NOC3L: variants seen among roughly 807,000 people sequenced by gnomAD.
NOC3L encodes NOC3 like DNA replication regulator, also known as nucleolar complex protein 3 homolog.
NOC3L carries 85 observed loss-of-function variants against 102.5 expected under a neutral mutation model. That is an observed-to-expected ratio of 0.83 (90% CI 0.70 to 0.99). The LOEUF (loss-of-function observed/expected upper bound fraction) is 0.99, where lower values mean the gene tolerates loss of function less well. Among genes scored for constraint, NOC3L ranks in the 50% least tolerant of loss-of-function variants. NOC3L has a pLI of 0.00. For missense variants in NOC3L, 878 were observed against 914.9 expected (o/e 0.96, Z 0.52); for synonymous variants, 303 against 309.4 (o/e 0.98, Z 0.22).
At chr10:94,362,752 TA>T in intron 1 of NOC3L, 77 bp downstream of exon 1, 1 of 1,543,308 alleles carries the variant, frequency 6.5e-7, no homozygotes, top group Non-Finnish European at 9.0e-7. Context: ...AAAACCTGCC[TA>T]AAAGCTAACT....
At chr10:94,361,945 C>T in intron 1 of NOC3L, 73 bp from the exon 2 acceptor site, 1 of 1,137,512 alleles carries the variant, frequency 8.8e-7, no homozygotes, top group South Asian at 1.3e-5. Context: ...GAACTGATTA[C>T]AAATTTCATT....
chr10:94,362,362 G>A (rs1290055716), intron 1 of NOC3L, among the ~76,000 whole-genome samples: 2 of 152,138 alleles, frequency 1.3e-5, no homozygotes, highest in Admixed American at 6.5e-5. Context: ...ACTGAATTCG[G>A]ATCTTTGGAT....
intron 14 of NOC3L, among the ~76,000 whole-genome samples, chr10:94,341,133 A>G (rs2054279643): frequency 6.6e-6 from 1 of 152,052 alleles, no homozygotes; most frequent in Non-Finnish European, 1.5e-5. Context: ...TGATTGCACC[A>G]CTGCACTCCG....
chr10:94,334,428 G>A, intron 20 of NOC3L, 123 bp from the exon 21 acceptor site: 1 of 682,252 alleles, frequency 1.5e-6, no homozygotes, highest in South Asian at 1.8e-5. Flanking sequence ...ACAGATGCTT[G>A]GTAAGGTCTT....
At chr10:94,322,067 C>T in the NOC3L span, 1 of 1,612,938 alleles carries the variant, frequency 6.2e-7, no homozygotes, top group South Asian at 1.1e-5. Flanking sequence ...CAGGTAAAAG[C>T]CTCTCCCTTC....
the NOC3L span, chr10:94,324,887 C>T: frequency 8.1e-6 from 13 of 1,613,862 alleles, no homozygotes; most frequent in Non-Finnish European, 1.1e-5. Flanking sequence ...TCTTTGTTCC[C>T]ACAGGCATCT....
chr10:94,325,524 G>A, the NOC3L span: 1 of 185,048 alleles, frequency 5.4e-6, no homozygotes, highest in Non-Finnish European at 1.1e-5. Flanking sequence ...GAACTTGGAA[G>A]GCAGAGGTTG....
intron 13 of NOC3L, among the ~76,000 whole-genome samples, chr10:94,343,936 G>A (rs893415915): frequency 7.2e-5 from 11 of 152,072 alleles, no homozygotes; most frequent in Non-Finnish European, 1.3e-4. Flanking sequence ...ATTGTGGAAC[G>A]CTATCATGAC....
intron 14 of NOC3L, among the ~76,000 whole-genome samples, chr10:94,341,303 G>T (rs1004443931): frequency 6.6e-6 from 1 of 151,780 alleles, no homozygotes; most frequent in African/African-American, 2.4e-5. Flanking sequence ...AATTTGAATG[G>T]TTGTCACATA....
the NOC3L span, among the ~76,000 whole-genome samples, chr10:94,319,864 CTT>C: frequency 1.3e-3 from 121 of 92,924 alleles, no homozygotes; most frequent in African/African-American, 3.6e-3. Flanking sequence ...CAAAGGTGCT[CTT>C]TTTTTTTTTT....
the NOC3L span, among the ~76,000 whole-genome samples, chr10:94,324,126 T>C: frequency 6.6e-6 from 1 of 152,192 alleles, no homozygotes; most frequent in African/African-American, 2.4e-5. Context: ...TTCAGGATAA[T>C]AACACCTAAT....
intron 13 of NOC3L, among the ~76,000 whole-genome samples, chr10:94,343,258 A>C (rs1239735392): frequency 6.6e-6 from 1 of 152,204 alleles, no homozygotes; most frequent in African/African-American, 2.4e-5. Context: ...AAAAACAAAT[A>C]GCTGGGTCGA....
intron 8 of NOC3L, among the ~76,000 whole-genome samples, chr10:94,351,324 T>C (rs1322802434): frequency 1.3e-5 from 2 of 151,454 alleles, no homozygotes; most frequent in African/African-American, 4.9e-5. Context: ...CAATGGGTGA[T>C]CTTAGTAAAT....
At chr10:94,353,635 A>C (rs2054448993) in intron 6 of NOC3L, among the ~76,000 whole-genome samples, 2 of 152,224 alleles carry the variant, frequency 1.3e-5, no homozygotes, top group Admixed American at 6.5e-5. Context: ...ACACACCTCC[A>C]AACTATATCA....
intron 14 of NOC3L, among the ~76,000 whole-genome samples, chr10:94,341,224 A>C (rs2133988529): frequency 6.6e-6 from 1 of 150,966 alleles, no homozygotes; most frequent in Middle Eastern, 3.4e-3. Flanking sequence ...ACCTAGTATG[A>C]GGCAGATTTA....
At chr10:94,319,867 T>TC in the NOC3L span, among the ~76,000 whole-genome samples, 41 of 118,972 alleles carry the variant, frequency 3.4e-4, no homozygotes, top group South Asian at 0.011. Context: ...AGGTGCTCTT[T>TC]TTTTTTTTTT....
chr10:94,315,652 C>A, the NOC3L span, among the ~76,000 whole-genome samples: 1 of 151,786 alleles, frequency 6.6e-6, no homozygotes, highest in African/African-American at 2.4e-5. Flanking sequence ...ACCTGTAATC[C>A]CAGCTACTCG....
At chr10:94,337,068 CAAAA>C (rs577577956) in intron 19 of NOC3L, among the ~76,000 whole-genome samples, 2 of 78,464 alleles carry the variant, frequency 2.5e-5, no homozygotes. Flanking sequence ...GACTCCATCT[CAAAA>C]AAAAAAAAAA....
intron 19 of NOC3L, among the ~76,000 whole-genome samples, chr10:94,337,357 CAA>C (rs71031571): frequency 5.3e-5 from 7 of 131,530 alleles, no homozygotes; most frequent in Admixed American, 7.7e-5. Flanking sequence ...CAGGGCCATT[CAA>C]AAAAAAAAAA....
Sources: gnomAD v4.1 joint callset for allele counts (sites outside exome capture counted in the v4.1 genomes callset) on GRCh38, gnomAD v4.1.1 for gene constraint, MANE v1.5 for transcripts, NCBI Gene and HGNC (gene_info 2026-07-23, HGNC 2026-07-21) for gene names.